ARHGAP8: variants seen among roughly 807,000 people sequenced by gnomAD.
The protein encoded by ARHGAP8 is rho GTPase-activating protein 8.
A neutral mutation model predicts 46.1 loss-of-function variants in ARHGAP8; 62 were observed. The observed-to-expected ratio is 1.34, with a 90% CI of 1.10 to 1.66. The LOEUF is 1.66. Ranked by LOEUF, ARHGAP8 falls within the 40% of genes most tolerant of loss-of-function variation. The probability of loss-of-function intolerance (pLI) is 0.00; values close to 1 mark genes in which losing one functional copy is unlikely to be tolerated. For synonymous variants in ARHGAP8, 375 were observed against 243.1 expected (o/e 1.54, Z -5.05); for missense variants, 923 against 568.4 (o/e 1.62, Z -6.34).
intron 10 of ARHGAP8, among the ~76,000 whole-genome samples, chr22:44,859,434 C>T (rs1250896906): frequency 6.6e-6 from 1 of 151,560 alleles, no homozygotes; most frequent in Non-Finnish European, 1.5e-5. Flanking sequence ...TGGAAGCCTC[C>T]TGAGGCTTCT....
intron 6 of ARHGAP8, among the ~76,000 whole-genome samples, chr22:44,822,753 G>A (rs1361912106): frequency 1.3e-5 from 2 of 152,180 alleles, no homozygotes; most frequent in Non-Finnish European, 2.9e-5. Context: ...GCCGTTTGTT[G>A]CCTTGGTGTT....
chr22:44,784,539 C>T lies in ARHGAP8; in HGVS notation c.-71-1918C>T, dbSNP rs1013849442. Among the ~76,000 whole-genome samples, 6 of 152,252 alleles carry T rather than the reference C, an allele frequency of 3.9e-5. No individual in the cohort carries two copies. In the East Asian group the frequency reaches 7.7e-4, roughly 20 times the overall value. ...TGTAGGTTCCTTGCAAACACTATGCCATTTTCTATCAGGGATTTGAGCTTC... is the reference window on the plus strand; with the variant it reads ...TGTAGGTTCCTTGCAAACACTATGCTATTTTCTATCAGGGATTTGAGCTTC... On this transcript the variant is annotated intron_variant, in intron 1 of 11. Transcript: ENST00000356099.
chr22:44,776,120 C>T (rs1354134451), intron 1 of ARHGAP8, among the ~76,000 whole-genome samples: 2 of 152,146 alleles, frequency 1.3e-5, no homozygotes, highest in African/African-American at 2.4e-5. Context: ...GTCACAAGTA[C>T]AAGCTGCTTC....
chr22:44,776,309 G>A (rs973741527), intron 1 of ARHGAP8, among the ~76,000 whole-genome samples: 1 of 152,064 alleles, frequency 6.6e-6, no homozygotes, highest in South Asian at 2.1e-4. Context: ...AAAATTAGCC[G>A]AGCATGGTGG....
In ARHGAP8 at chr22:44,849,168, CCCT is replaced by C. The variant is rs1023577419; in HGVS notation, c.877+115_877+117del. On this transcript the variant is annotated intron_variant, in intron 10 of 11. Transcript: ENST00000356099. ...GGGTGGCCGAGGTGACGTGTACCCACCCTCCTCCTGTTGCCATCTGGCACTGCA... is the reference window on the plus strand; with the variant it reads ...GGGTGGCCGAGGTGACGTGTACCCACCCTCCTGTTGCCATCTGGCACTGCA... The C allele has an allele frequency of 6.4e-6, 10 of 1,555,490 alleles. No homozygotes were observed. The East Asian group carries it at 6.7e-5, about 10-fold the overall frequency.
chr22:44,760,361 C>G (rs935736989), intron 1 of ARHGAP8, among the ~76,000 whole-genome samples: 1 of 152,210 alleles, frequency 6.6e-6, no homozygotes, highest in Admixed American at 6.5e-5. Context: ...TCTCCTGCCC[C>G]CATCATTCCT....
Position 44,813,688 on chromosome 22 carries a change from C to T in ARHGAP8, c.300-984C>T, listed in dbSNP as rs1929524413. Among the ~76,000 whole-genome samples the T allele has an allele frequency of 3.3e-5, 5 of 151,204 alleles. No homozygotes were observed. In the South Asian group the frequency reaches 1.0e-3, roughly 32 times the overall value. On this transcript the variant is annotated intron_variant, in intron 4 of 11. Transcript: ENST00000356099. ...ATACACCTACACACCCCTAGGTATA[C>T]CTACACATATGTAGGTACACCTACA...
intron 2 of ARHGAP8, among the ~76,000 whole-genome samples, chr22:44,789,154 T>G (rs1927484495): frequency 1.3e-5 from 2 of 152,132 alleles, no homozygotes; most frequent in African/African-American, 4.8e-5. Context: ...TGTTTGTTTG[T>G]TTTTTGTTTT....
intron 1 of ARHGAP8, among the ~76,000 whole-genome samples, chr22:44,777,944 C>T (rs1852505970): frequency 6.6e-6 from 1 of 152,138 alleles, no homozygotes; most frequent in Non-Finnish European, 1.5e-5. Context: ...GATCCACCTG[C>T]CTCAGCCTCC....
intron 1 of ARHGAP8, among the ~76,000 whole-genome samples, chr22:44,773,023 C>T (rs1926157504): frequency 6.6e-6 from 1 of 151,928 alleles, no homozygotes; most frequent in African/African-American, 2.4e-5. Flanking sequence ...CATATGTTGC[C>T]CAGGCCAGTC....
At chr22:44,861,032 C>G (rs753269406) in intron 11 of ARHGAP8, among the ~76,000 whole-genome samples, 6 of 152,202 alleles carry the variant, frequency 3.9e-5, no homozygotes, top group Non-Finnish European at 7.3e-5. Context: ...TTGAGACAGT[C>G]TTGCTCTGTT....
chr22:44,803,556 C>A (rs1221838635), intron 3 of ARHGAP8, among the ~76,000 whole-genome samples: 1 of 151,402 alleles, frequency 6.6e-6, no homozygotes, highest in Admixed American at 6.6e-5. Flanking sequence ...GCATATGTCC[C>A]CTTGTGTGCT....
At chr22:44,780,261 G>A (rs997490350) in intron 1 of ARHGAP8, among the ~76,000 whole-genome samples, 18 of 152,244 alleles carry the variant, frequency 1.2e-4, no homozygotes, top group Non-Finnish European at 2.2e-4. Context: ...GGAGGCTGAG[G>A]CAAGAGGATC....
At chr22:44,827,511 G>A (rs750104662) in intron 7 of ARHGAP8, among the ~76,000 whole-genome samples, 1 of 151,720 alleles carries the variant, frequency 6.6e-6, no homozygotes, top group Non-Finnish European at 1.5e-5. Context: ...CCTGGCTAAT[G>A]TTTGTATTTT....
chr22:44,858,778 G>A (rs1361202343), intron 10 of ARHGAP8, among the ~76,000 whole-genome samples: 1 of 149,136 alleles, frequency 6.7e-6, no homozygotes, highest in East Asian at 1.9e-4. Context: ...GCCCCTGGAG[G>A]GTGGGACACT....
At chr22:44,851,904 A>G (rs1343652925) in intron 10 of ARHGAP8, among the ~76,000 whole-genome samples, 1 of 151,858 alleles carries the variant, frequency 6.6e-6, no homozygotes, top group Non-Finnish European at 1.5e-5. Context: ...GAAATAAAGA[A>G]AATGGGCCGG....
chr22:44,825,470 G>C lies in ARHGAP8; in HGVS notation c.486-13G>C, dbSNP rs761975823. 1.7e-5 allele frequency: 28 copies of C among 1,608,294 alleles called. No homozygotes were observed. Among genetic ancestry groups the C allele is most frequent in the Non-Finnish European group, 2.4e-5 (28 of 1,176,334 alleles). ...CCTGCCAGGTGAGATCCCAGCCTCTGTTGTGTCTACAGGTACGATGAGAAG... is the reference window on the plus strand; with the variant it reads ...CCTGCCAGGTGAGATCCCAGCCTCTCTTGTGTCTACAGGTACGATGAGAAG... On this transcript the variant is annotated splice_polypyrimidine_tract_variant and intron_variant, in intron 6 of 11. Coordinates refer to ENST00000356099, the MANE Select transcript of ARHGAP8 (RefSeq NM_181335.3).
intron 11 of ARHGAP8, 112 bp downstream of exon 11, chr22:44,859,946 G>C (rs2070386803): frequency 8.5e-6 from 11 of 1,294,230 alleles, no homozygotes; most frequent in Middle Eastern, 2.3e-4. Flanking sequence ...TGCCCTGCTT[G>C]GGCCTCGGAA....
At chr22:44,798,185 A>G (rs1012220226) in intron 2 of ARHGAP8, among the ~76,000 whole-genome samples, 2 of 151,678 alleles carry the variant, frequency 1.3e-5, no homozygotes, top group African/African-American at 4.8e-5. Context: ...CATGTTAGCC[A>G]GGCTGGTCTC....
Sources: allele counts gnomAD v4.1 joint callset (sites outside exome capture counted in the v4.1 genomes callset), GRCh38; gene constraint gnomAD v4.1.1; transcripts MANE v1.5; gene names NCBI Gene and HGNC (gene_info 2026-07-23, HGNC 2026-07-21).